The following BICRAL variants were observed in gnomAD, a reference collection of about 807,000 sequenced individuals.
BICRAL encodes the protein BRD4-interacting chromatin-remodeling complex-associated protein-like.
BICRAL carries 8 observed loss-of-function variants against 91.8 expected under a neutral mutation model. The observed-to-expected ratio is 0.09, with a 90% CI of 0.05 to 0.16. BICRAL has a LOEUF of 0.16. BICRAL is among the 10% of genes least tolerant of loss of function. The pLI is 1.00. For synonymous variants in BICRAL, 445 were observed against 491.1 expected, an observed-to-expected ratio of 0.91 and a Z score of 1.24; for missense variants, 1,038 against 1,310.9, an observed-to-expected ratio of 0.79 and a Z score of 3.21.
intron 1 of BICRAL, among the ~76,000 whole-genome samples, chr6:42,768,895 G>A (rs755804352): frequency 2.6e-5 from 4 of 152,166 alleles, no homozygotes; most frequent in Admixed American, 6.5e-5. Context: ...GTCAGATGTC[G>A]TTCTCTAAGC....
chr6:42,774,071 A>C (rs1762778287), intron 1 of BICRAL, among the ~76,000 whole-genome samples: 1 of 152,204 alleles, frequency 6.6e-6, no homozygotes, highest in Non-Finnish European at 1.5e-5. Context: ...AGGAGAACTA[A>C]GGCAATTCTG....
intron 12 of BICRAL, among the ~76,000 whole-genome samples, chr6:42,863,330 G>T (rs1162064686): frequency 6.6e-6 from 1 of 152,148 alleles, no homozygotes; most frequent in Non-Finnish European, 1.5e-5. Flanking sequence ...TTACAGGCGT[G>T]AGCCACCGTG....
chr6:42,814,478 C>CGT (rs1491362297), intron 2 of BICRAL, among the ~76,000 whole-genome samples: 18 of 91,264 alleles, frequency 2.0e-4, no homozygotes, highest in African/African-American at 6.3e-4. Context: ...CATATACATG[C>CGT]ATGTGTGTGT....
chr6:42,746,726 C>A (rs544275562), upstream of BICRAL, among the ~76,000 whole-genome samples: 1 of 152,118 alleles, frequency 6.6e-6, no homozygotes, highest in Non-Finnish European at 1.5e-5. Context: ...CCCCCTCCCC[C>A]CTATCCACTG....
chr6:42,781,957 G>A (rs1173869036), upstream of BICRAL: 7 of 146,742 alleles, frequency 4.8e-5, no homozygotes, highest in Non-Finnish European at 9.1e-5. Context: ...GAGCGAGAGA[G>A]AGAGCGGAGC....
At chr6:42,800,407 G>A (rs1011082544) in intron 1 of BICRAL, among the ~76,000 whole-genome samples, 20 of 151,864 alleles carry the variant, frequency 1.3e-4, no homozygotes, top group Admixed American at 2.6e-4. Flanking sequence ...CAAGTGATCC[G>A]TCCACTTCGG....
intron 11 of BICRAL, among the ~76,000 whole-genome samples, chr6:42,861,587 T>A (rs559044677): frequency 1.2e-4 from 19 of 152,350 alleles, no homozygotes; most frequent in African/African-American, 3.8e-4. Flanking sequence ...CAATTTGATA[T>A]CAACTTTGAA....
At chr6:42,763,850 C>T (rs1036335505) in intron 1 of BICRAL, among the ~76,000 whole-genome samples, 2 of 146,716 alleles carry the variant, frequency 1.4e-5, no homozygotes, top group African/African-American at 2.5e-5. Context: ...ACAAAAAAAA[C>T]GAGCGTTTTC....
chr6:42,751,654 C>CTTTTTTTTTTTTTTTT (rs1190737893), intron 1 of BICRAL, among the ~76,000 whole-genome samples: 6 of 116,572 alleles, frequency 5.1e-5, no homozygotes, highest in East Asian at 2.4e-4. Flanking sequence ...TCTTTCTTTT[C>CTTTTTTTTTTTTTTTT]TTTTTTTTTT....
chr6:42,825,189 G>C (rs541304532), intron 5 of BICRAL, among the ~76,000 whole-genome samples: 1 of 151,276 alleles, frequency 6.6e-6, no homozygotes, highest in Non-Finnish European at 1.5e-5. Context: ...GAACCTGGGA[G>C]GTGGAGGTTA....
intron 1 of BICRAL, among the ~76,000 whole-genome samples, chr6:42,808,658 T>A (rs917670016): frequency 3.3e-5 from 5 of 152,134 alleles, no homozygotes; most frequent in African/African-American, 1.2e-4. Flanking sequence ...AGAATTGAGC[T>A]ACTCAGCTGA....
upstream of BICRAL, among the ~76,000 whole-genome samples, chr6:42,781,659 G>A (rs2113857600): frequency 6.7e-6 from 1 of 149,796 alleles, no homozygotes; most frequent in Admixed American, 6.7e-5. Flanking sequence ...CACGCACCTC[G>A]TGGATCTTAG....
At chr6:42,748,204 G>C (rs920782753) in intron 1 of BICRAL, among the ~76,000 whole-genome samples, 7 of 151,336 alleles carry the variant, frequency 4.6e-5, no homozygotes, top group Non-Finnish European at 7.4e-5. Flanking sequence ...TGTCCAAGTC[G>C]TGGAGGAATT....
At chr6:42,822,140 T>G in intron 3 of BICRAL, 77 bp downstream of exon 3, 1 of 773,178 alleles carries the variant, frequency 1.3e-6, no homozygotes, top group Admixed American at 2.2e-5. Context: ...TAATAGCATA[T>G]AACACCTGAT....
At chr6:42,803,931 C>T (rs1763640151) in intron 1 of BICRAL, among the ~76,000 whole-genome samples, 1 of 152,212 alleles carries the variant, frequency 6.6e-6, no homozygotes, top group Admixed American at 6.5e-5. Context: ...GCAACCATAA[C>T]ACAATGGTAA....
At chr6:42,837,460 A>G (rs1273484119) in intron 6 of BICRAL, among the ~76,000 whole-genome samples, 1 of 151,870 alleles carries the variant, frequency 6.6e-6, no homozygotes, top group African/African-American at 2.4e-5. Flanking sequence ...TGGTTCAAAA[A>G]ATCAAATGGG....
intron 1 of BICRAL, among the ~76,000 whole-genome samples, chr6:42,772,112 C>T (rs993492691): frequency 6.6e-6 from 1 of 152,048 alleles, no homozygotes; most frequent in Admixed American, 6.6e-5. Context: ...AATGGGGTCA[C>T]CTCCATTAGT....
chr6:42,787,081 C>G (rs1357607404), intron 1 of BICRAL, among the ~76,000 whole-genome samples: 2 of 152,152 alleles, frequency 1.3e-5, no homozygotes, highest in African/African-American at 2.4e-5. Flanking sequence ...TCGATAGTAT[C>G]TCAGGCAAGT....
chr6:42,774,938 C>CTT (rs1332971106), intron 1 of BICRAL, among the ~76,000 whole-genome samples: 1 of 144,618 alleles, frequency 6.9e-6, no homozygotes, highest in African/African-American at 2.5e-5. Context: ...AGAGTGGTTC[C>CTT]TTTTTTTTTT....
Sources: gnomAD v4.1 joint callset for allele counts (sites outside exome capture counted in the v4.1 genomes callset) on GRCh38, gnomAD v4.1.1 for gene constraint, MANE v1.5 for transcripts, NCBI Gene and HGNC (gene_info 2026-07-23, HGNC 2026-07-21) for gene names.